The following SPINK5 variants were observed in gnomAD, a reference collection of about 807,000 sequenced individuals.
SPINK5 encodes the protein serine protease inhibitor Kazal-type 5.
SPINK5 carries 125 observed loss-of-function variants against 151.8 expected under a neutral mutation model. The observed-to-expected ratio is 0.82, with a 90% CI of 0.71 to 0.96. SPINK5 has a LOEUF of 0.96. Among genes scored for constraint, SPINK5 ranks in the 40% least tolerant of loss-of-function variants. The pLI, the probability that SPINK5 is intolerant of heterozygous loss-of-function variation, is 0.00. For missense variants in SPINK5, 1,194 were observed against 1,291.9 expected (o/e 0.92, Z 1.16); for synonymous variants, 374 against 395.3 (o/e 0.95, Z 0.64).
chr5:148,114,530 T>A, intron 21 of SPINK5, 41 bp downstream of exon 21: 1 of 1,611,026 alleles, frequency 6.2e-7, no homozygotes, highest in South Asian at 1.1e-5. Context: ...GATGGTGGAA[T>A]TGGGGAAGCA....
intron 13 of SPINK5, among the ~76,000 whole-genome samples, chr5:148,100,799 T>C (rs1753621202): frequency 6.6e-6 from 1 of 152,212 alleles, no homozygotes; most frequent in Non-Finnish European, 1.5e-5. Flanking sequence ...AATCTTGAAA[T>C]ATTCAAGTAG....
chr5:148,074,249 T>G (rs1025918221), intron 4 of SPINK5, among the ~76,000 whole-genome samples: 5 of 151,804 alleles, frequency 3.3e-5, no homozygotes, highest in Admixed American at 2.6e-4. Context: ...AATTTTCTTT[T>G]CACTAGTATG....
At chr5:148,109,735 G>C (rs1037271342) in intron 18 of SPINK5, among the ~76,000 whole-genome samples, 4 of 151,934 alleles carry the variant, frequency 2.6e-5, no homozygotes, top group African/African-American at 9.7e-5. Context: ...CATTTCTACT[G>C]CTCTTACCTT....
In SPINK5 at chr5:148,064,008, T is replaced by G; in HGVS notation, c.-37T>G. The G allele has an allele frequency of 1.2e-6, 2 of 1,613,258 alleles. No homozygotes were observed. The highest frequency in any genetic ancestry group is 1.7e-6 in the Non-Finnish European group (2 of 1,179,248). ...CATACTGCACCAGCTGAGCAATGCATGGAGTGGACCTGTAGGCGACTTGCA... is the reference window on the plus strand; with the variant it reads ...CATACTGCACCAGCTGAGCAATGCAGGGAGTGGACCTGTAGGCGACTTGCA... On this transcript the variant is annotated 5_prime_UTR_variant, in exon 1 of 33. An upstream start codon of the reference 5' UTR is lost. Coordinates refer to ENST00000256084, the MANE Select transcript of SPINK5 (RefSeq NM_006846.4).
chr5:148,120,916 G>A (rs1754240090), intron 26 of SPINK5, among the ~76,000 whole-genome samples: 1 of 152,010 alleles, frequency 6.6e-6, no homozygotes, highest in African/African-American at 2.4e-5. Context: ...AAGCTGAGGC[G>A]GGCAGATCAC....
In SPINK5 at chr5:148,118,013, G is replaced by GT. The variant is rs908097800; in HGVS notation, c.2113-417dup. On this transcript the variant is annotated intron_variant, in intron 22 of 32. Coordinates refer to ENST00000256084, the MANE Select transcript of SPINK5 (RefSeq NM_006846.4). ...CAGATGCCAGACCTAGATGTTAGGGGTTTTTTTGTTTGTTTGTTTGTTTGA... is the reference window on the plus strand; with the variant it reads ...CAGATGCCAGACCTAGATGTTAGGGGTTTTTTTTGTTTGTTTGTTTGTTTGA... 1.5e-4 allele frequency among the ~76,000 whole-genome samples: 23 copies of GT among 148,852 alleles called. No individual in the cohort carries two copies. In the East Asian group the frequency reaches 4.6e-3, roughly 29 times the overall value.
rs201521194 is a variant in SPINK5, at chr5:148,104,926, C to G, written c.1431-26C>G. On this transcript the variant is annotated intron_variant, in intron 15 of 32. Transcript: ENST00000256084. ...AGAAAAAAAAAAATCCATTTCTTCT[C>G]TCTTTTTCTTTTCGGTTTCTTAAAG... The G allele has an allele frequency of 2.5e-4, 404 of 1,604,402 alleles. 4 individuals carry two copies. The East Asian group carries it at 9.0e-3, about 36-fold the overall frequency.
At chr5:148,086,687 CAAAT>C (rs1753164948) in intron 5 of SPINK5, among the ~76,000 whole-genome samples, 155 bp downstream of exon 5, 1 of 151,626 alleles carries the variant, frequency 6.6e-6, no homozygotes, top group Non-Finnish European at 1.5e-5. Context: ...ACTCTTAAGA[CAAAT>C]AAAGGTGTAT....
chr5:148,091,053 G>A, intron 7 of SPINK5, 112 bp from the exon 8 acceptor site: 1 of 897,308 alleles, frequency 1.1e-6, no homozygotes, highest in South Asian at 1.4e-5. Flanking sequence ...CTTGTAAGAG[G>A]ATCATTTTCA....
intron 2 of SPINK5, among the ~76,000 whole-genome samples, chr5:148,067,936 G>A (rs1295767690): frequency 6.6e-6 from 1 of 152,024 alleles, no homozygotes; most frequent in Non-Finnish European, 1.5e-5. Flanking sequence ...TTTATGATAA[G>A]CTTTCAAAAT....
chr5:148,106,782 T>C (rs961264326), intron 16 of SPINK5, among the ~76,000 whole-genome samples: 6 of 152,184 alleles, frequency 3.9e-5, no homozygotes, highest in African/African-American at 7.2e-5. Flanking sequence ...ACCTCTGATC[T>C]TTCCTAGCTT....
At chr5:148,072,924 T>C (rs1752780195) in intron 4 of SPINK5, among the ~76,000 whole-genome samples, 1 of 151,490 alleles carries the variant, frequency 6.6e-6, no homozygotes, top group Non-Finnish European at 1.5e-5. Context: ...GGAAAGAAAC[T>C]GCAAATTTAT....
intron 28 of SPINK5, 134 bp downstream of exon 28, chr5:148,124,971 A>T: frequency 7.9e-7 from 1 of 1,264,360 alleles, no homozygotes; most frequent in Non-Finnish European, 1.0e-6. Flanking sequence ...TTGTCTTGTC[A>T]CTTTGTATCA....
At chr5:148,131,138 T>C (rs912909590) in intron 30 of SPINK5, 121 bp from the exon 31 acceptor site, 3 of 1,312,904 alleles carry the variant, frequency 2.3e-6, no homozygotes, top group African/African-American at 2.9e-5. Context: ...GAATAACATA[T>C]ATCACACTCC....
At chr5:148,100,043 G>A (rs1753594967) in intron 12 of SPINK5, among the ~76,000 whole-genome samples, 1 of 151,912 alleles carries the variant, frequency 6.6e-6, no homozygotes, top group Non-Finnish European at 1.5e-5. Flanking sequence ...ATAAACCTGT[G>A]TGCGTATTTC....
At chr5:148,123,010 A>C (rs933640048) in intron 26 of SPINK5, among the ~76,000 whole-genome samples, 3 of 151,734 alleles carry the variant, frequency 2.0e-5, no homozygotes, top group Non-Finnish European at 2.9e-5. Context: ...GAGTGCACTC[A>C]TAGGGAGACA....
chr5:148,133,700 G>A, intron 31 of SPINK5, 97 bp from the exon 32 acceptor site: 1 of 1,208,776 alleles, frequency 8.3e-7, no homozygotes, highest in South Asian at 1.2e-5. Context: ...ATACAGTTTG[G>A]TTTGATACCC....
intron 26 of SPINK5, among the ~76,000 whole-genome samples, chr5:148,121,143 C>CAAAAAAAAAAAAAA (rs767012594): frequency 1.5e-5 from 1 of 68,666 alleles, no homozygotes; most frequent in Non-Finnish European, 2.4e-5. Context: ...GACTCTGTCT[C>CAAAAAAAAAAAAAA]AAAAAAAAAA....
At chr5:148,120,518 G>A (rs1044912734) in intron 26 of SPINK5, 127 bp downstream of exon 26, 3 of 1,184,390 alleles carry the variant, frequency 2.5e-6, no homozygotes, top group Non-Finnish European at 3.7e-6. Context: ...AAACAATGAA[G>A]TCATGGCCAG....
Sources: gnomAD v4.1 joint callset for allele counts (sites outside exome capture counted in the v4.1 genomes callset) on GRCh38, gnomAD v4.1.1 for gene constraint, MANE v1.5 for transcripts, NCBI Gene and HGNC (gene_info 2026-07-23, HGNC 2026-07-21) for gene names.